The following RXFP1 variants were observed in gnomAD, a reference collection of about 807,000 sequenced individuals.
RXFP1 encodes relaxin receptor 1.
RXFP1 carries 73 observed loss-of-function variants against 89.8 expected under a neutral mutation model. The observed-to-expected ratio is 0.81, with a 90% CI of 0.67 to 0.99. The LOEUF (loss-of-function observed/expected upper bound fraction) is 0.99, where lower values mean the gene tolerates loss of function less well. RXFP1 is among the 50% of genes least tolerant of loss of function. The pLI is 0.00. For synonymous variants in RXFP1, 277 were observed against 305.5 expected (o/e 0.91, Z 0.97); for missense variants, 793 against 895.5 (o/e 0.89, Z 1.46).
At chr4:158,599,913 A>T (rs1761361480) in intron 4 of RXFP1, among the ~76,000 whole-genome samples, 1 of 152,222 alleles carries the variant, frequency 6.6e-6, no homozygotes, top group South Asian at 2.1e-4. Context: ...ATCTGTTCTG[A>T]ATCACATTTT....
rs1769587784 is a variant in RXFP1, at chr4:158,638,185, A to G, written c.1043+106A>G. 5 of 651,906 alleles carry G rather than the reference A, an allele frequency of 7.7e-6. No individual in the cohort carries two copies. The South Asian group carries it at 1.2e-4, about 15-fold the overall frequency. The allele number at this position is 651,906 out of a possible 1,614,324, so 40.4% of individuals were successfully genotyped here. ...TCAAATCATAAGCTTTATTTCCAAGACATTAGTTTAGCTCCACAAAAACAT... is the reference window on the plus strand; with the variant it reads ...TCAAATCATAAGCTTTATTTCCAAGGCATTAGTTTAGCTCCACAAAAACAT... On this transcript the variant is annotated intron_variant, in intron 13 of 17. Transcript: ENST00000307765.
chr4:158,606,479 A>T lies in RXFP1; in HGVS notation c.464+1340A>T, dbSNP rs1762550749. Among the ~76,000 whole-genome samples the T allele has an allele frequency of 2.0e-5, 3 of 152,316 alleles. No homozygotes were observed. The South Asian group carries it at 6.2e-4, about 32-fold the overall frequency. Reference sequence around the variant, plus strand: ...CTCCAGGCAATGCAGCCTATTCCTTAGTAGATCATTATAACACTAGAAATA... The same window carrying T: ...CTCCAGGCAATGCAGCCTATTCCTTTGTAGATCATTATAACACTAGAAATA... On this transcript the variant is annotated intron_variant, in intron 5 of 17. Transcript: ENST00000307765.
intron 1 of RXFP1, among the ~76,000 whole-genome samples, chr4:158,543,553 A>C (rs1268762173): frequency 6.6e-6 from 1 of 152,218 alleles, no homozygotes; most frequent in Non-Finnish European, 1.5e-5. Context: ...CTCCACAAAC[A>C]AGATGGGGAT....
At chr4:158,539,672 G>A (rs1168875582) in intron 1 of RXFP1, among the ~76,000 whole-genome samples, 2 of 152,202 alleles carry the variant, frequency 1.3e-5, no homozygotes, top group Non-Finnish European at 2.9e-5. Flanking sequence ...TAGCATTTCA[G>A]ATAGTGTTTG....
chr4:158,642,768 G>A (rs1289064782), intron 14 of RXFP1, among the ~76,000 whole-genome samples: 1 of 152,102 alleles, frequency 6.6e-6, no homozygotes, highest in Non-Finnish European at 1.5e-5. Context: ...AATTCCTGAG[G>A]TTTGTTGCCT....
intron 14 of RXFP1, among the ~76,000 whole-genome samples, chr4:158,644,010 T>A (rs1289591145): frequency 2.0e-5 from 3 of 151,958 alleles, no homozygotes; most frequent in African/African-American, 7.3e-5. Context: ...TGAACATTTT[T>A]TCAAGCATAG....
At position 158,581,046 on chromosome 4, in the gene RXFP1, TC is replaced by T. The variant is rs1330816256; in HGVS notation, c.187+8214del. On this transcript the variant is annotated intron_variant, in intron 2 of 17. Transcript: ENST00000307765. The stretch of plus-strand genomic sequence containing the variant: ...CTCAAGTGATCTACCCACCTTGGCC[TC>T]CCAAAGTGCTGGGATTGCAGGCATG... Among the ~76,000 whole-genome samples, 12 of 152,274 alleles carry T rather than the reference TC, an allele frequency of 7.9e-5. No individual in the cohort carries two copies. The East Asian group carries it at 2.3e-3, about 29-fold the overall frequency.
intron 2 of RXFP1, among the ~76,000 whole-genome samples, chr4:158,591,516 A>C (rs541074051): frequency 6.6e-6 from 1 of 151,874 alleles, no homozygotes; most frequent in South Asian, 2.1e-4. Context: ...TTCGAGGCCA[A>C]AGCAGGTAGA....
intron 6 of RXFP1, among the ~76,000 whole-genome samples, 197 bp downstream of exon 6, chr4:158,608,240 C>T (rs1304276536): frequency 4.9e-5 from 7 of 143,834 alleles, no homozygotes; most frequent in Non-Finnish European, 9.0e-5. Context: ...GATTGCCTTA[C>T]TTACTAGGTG....
chr4:158,589,638 C>T (rs1252102392), intron 2 of RXFP1, among the ~76,000 whole-genome samples: 1 of 152,154 alleles, frequency 6.6e-6, no homozygotes, highest in African/African-American at 2.4e-5. Flanking sequence ...GCTGCTTTTG[C>T]TTGCAAGGGA....
intron 14 of RXFP1, among the ~76,000 whole-genome samples, chr4:158,641,900 C>T (rs574653030): frequency 7.2e-5 from 11 of 152,250 alleles, no homozygotes; most frequent in African/African-American, 2.6e-4. Context: ...TTAAGAAATG[C>T]TCAATAAAAG....
chr4:158,552,159 A>G lies in RXFP1; in HGVS notation c.50-20539A>G, dbSNP rs1579551929. On this transcript the variant is annotated intron_variant, in intron 1 of 17. Transcript: ENST00000307765. Reference sequence around the variant, plus strand: ...GTGAAATGGAAATGCTGTTAAGAAGAAATACAACTGCCCTTAATTTAGGAT... The same window carrying G: ...GTGAAATGGAAATGCTGTTAAGAAGGAATACAACTGCCCTTAATTTAGGAT... Among the ~76,000 whole-genome samples the G allele has an allele frequency of 2.6e-5, 4 of 152,240 alleles. No homozygotes were observed. The South Asian group carries it at 6.2e-4, about 24-fold the overall frequency.
chr4:158,622,314 T>TA (rs531274592), intron 9 of RXFP1, among the ~76,000 whole-genome samples: 6,242 of 145,986 alleles, frequency 0.043, 378 homozygotes, highest in African/African-American at 0.14. Flanking sequence ...CCATCTCAAA[T>TA]AAAAAAAAAA....
At chr4:158,644,077 C>T (rs1435414751) in intron 14 of RXFP1, among the ~76,000 whole-genome samples, 5 of 143,734 alleles carry the variant, frequency 3.5e-5, no homozygotes, top group African/African-American at 1.3e-4. Flanking sequence ...CAGAGTCTCG[C>T]TCTGTCGCCC....
intron 11 of RXFP1, among the ~76,000 whole-genome samples, chr4:158,632,474 C>T (rs913410061): frequency 1.3e-5 from 2 of 152,174 alleles, no homozygotes; most frequent in African/African-American, 4.8e-5. Flanking sequence ...ATCTCTTGAT[C>T]ACCTTACAGA....
chr4:158,602,572 A>G (rs75677409), intron 4 of RXFP1, among the ~76,000 whole-genome samples: 2 of 150,138 alleles, frequency 1.3e-5, no homozygotes, highest in Non-Finnish European at 2.9e-5. Flanking sequence ...AAAAAAAAAA[A>G]GAAGTTGGTT....
intron 1 of RXFP1, among the ~76,000 whole-genome samples, chr4:158,548,857 G>C (rs938566773): frequency 2.0e-5 from 3 of 152,140 alleles, no homozygotes; most frequent in Non-Finnish European, 4.4e-5. Context: ...TGGGTAACCC[G>C]ACCTTTCTCT....
In RXFP1 at chr4:158,653,237, T is replaced by C. The variant is rs565930890; in HGVS notation, c.*1182T>C. ...AACCTTTAAGCAGGAGAAGAAAATG[T>C]TTTCAGATAGTTTCAAATACACCAA... On this transcript the variant is annotated 3_prime_UTR_variant, in exon 18 of 18. Transcript: ENST00000307765. 2.0e-5 allele frequency: 3 copies of C among 152,308 alleles called. No homozygotes were observed. Among genetic ancestry groups the C allele is most frequent in the Non-Finnish European group, 4.4e-5 (3 of 68,026 alleles). The allele number at this position is 152,308 out of a possible 1,614,324, so 9.4% of individuals were successfully genotyped here.
At chr4:158,577,572 G>GT (rs1360996945) in intron 2 of RXFP1, among the ~76,000 whole-genome samples, 1 of 151,986 alleles carries the variant, frequency 6.6e-6, no homozygotes, top group Admixed American at 6.6e-5. Context: ...TAATGAAAGA[G>GT]TTTTTTCTTA....
Sources: gnomAD v4.1 joint callset for allele counts (sites outside exome capture counted in the v4.1 genomes callset) on GRCh38, gnomAD v4.1.1 for gene constraint, MANE v1.5 for transcripts, NCBI Gene and HGNC (gene_info 2026-07-23, HGNC 2026-07-21) for gene names.